The following CPLANE1 variants were observed in gnomAD, a reference collection of about 807,000 sequenced individuals.
CPLANE1 encodes the protein ciliogenesis and planar polarity effector complex subunit 1, also known as ciliogenesis and planar polarity effector 1.
CPLANE1 carries 263 observed loss-of-function variants against 362.5 expected under a neutral mutation model. That is an observed-to-expected ratio of 0.73 (90% confidence interval 0.66 to 0.80). CPLANE1 has a LOEUF of 0.80. CPLANE1 is among the 30% of genes least tolerant of loss of function. CPLANE1 has a pLI of 0.00. For missense variants in CPLANE1, 3,461 were observed against 3,793.4 expected, an observed-to-expected ratio of 0.91 and a Z score of 2.30; for synonymous variants, 1,212 against 1,302.6, an observed-to-expected ratio of 0.93 and a Z score of 1.50.
At position 37,224,330 on chromosome 5, in the gene CPLANE1, T is replaced by A; in HGVS notation, c.2504A>T (p.Glu835Val). The A allele has an allele frequency of 1.3e-6, 2 of 1,542,262 alleles. No individual in the cohort carries two copies. The highest frequency in any genetic ancestry group is 8.8e-7 in the Non-Finnish European group (1 of 1,141,812). Residue 835 changes from glutamate to valine, a missense_variant, in exon 14 of 53, where the codon GAA (glutamate) becomes GTA (valine). Glu to Val is a moderately radical substitution (Grantham distance 121). Around this residue, in one of 2 missense-constraint regions of CPLANE1, gnomAD observed 3,380 missense variants for 3,666.1 expected, o/e 0.92. Coordinates refer to ENST00000651892, the MANE Select transcript of CPLANE1 (RefSeq NM_001384732.1). ...ATATGATCCTAATAAAAAACATTCT[T>A]CCCCTAGAAAGTTTTTAACCAACAA... is the stretch of plus-strand genomic sequence containing the variant. ...QTLELKSING[E>V]ECFLLGSYEK...
At chr5:37,097,310 A>G in the CPLANE1 span, among the ~76,000 whole-genome samples, 1 of 152,170 alleles carries the variant, frequency 6.6e-6, no homozygotes, top group Non-Finnish European at 1.5e-5. Flanking sequence ...AACAATAACA[A>G]AAAACCCCGA....
chr5:37,139,614 T>C (rs1769033735), intron 44 of CPLANE1: 5 of 674,148 alleles, frequency 7.4e-6, no homozygotes, highest in Non-Finnish European at 9.6e-6. Context: ...TGCAGCGACA[T>C]GGTCATGGCA....
At chr5:37,221,616 T>G (rs1795371281) in intron 14 of CPLANE1, 128 bp from the exon 15 acceptor site, 2 of 494,596 alleles carry the variant, frequency 4.0e-6, no homozygotes. Context: ...TATGTAAACT[T>G]TTCTGCATCT....
chr5:37,119,879 T>C (rs1182557452), intron 50 of CPLANE1, among the ~76,000 whole-genome samples: 1 of 151,216 alleles, frequency 6.6e-6, no homozygotes, highest in East Asian at 1.9e-4. Context: ...CCCAGGTACT[T>C]GGGAGGCTGA....
At chr5:37,230,740 T>C (rs928664659) in intron 9 of CPLANE1, 127 bp downstream of exon 9, 1 of 551,212 alleles carries the variant, frequency 1.8e-6, no homozygotes, top group East Asian at 3.4e-5. Flanking sequence ...AAACAGATAT[T>C]GAGATGACAG....
the CPLANE1 span, among the ~76,000 whole-genome samples, chr5:37,078,106 G>C: frequency 6.6e-6 from 1 of 152,018 alleles, no homozygotes; most frequent in Non-Finnish European, 1.5e-5. Context: ...TTGTTACATA[G>C]GTAAATGTGT....
intron 51 of CPLANE1, among the ~76,000 whole-genome samples, chr5:37,111,837 A>C (rs903607320): frequency 2.8e-4 from 42 of 152,174 alleles, no homozygotes; most frequent in African/African-American, 9.7e-4. Flanking sequence ...AAAACCATAT[A>C]AAGGAAAAAA....
At chr5:37,167,321 C>T in intron 34 of CPLANE1, 108 bp from the exon 35 acceptor site, 1 of 811,806 alleles carries the variant, frequency 1.2e-6, no homozygotes, top group Non-Finnish European at 1.9e-6. Flanking sequence ...AACTGTGCAA[C>T]AGTTAGAACA....
chr5:37,210,189 G>C, intron 16 of CPLANE1: 10 of 1,421,606 alleles, frequency 7.0e-6, no homozygotes, highest in African/African-American at 1.4e-5. Context: ...AAAGCACCAA[G>C]AGATTGAAAC....
At chr5:37,111,022 T>G (rs1246014766) in intron 51 of CPLANE1, among the ~76,000 whole-genome samples, 1 of 151,798 alleles carries the variant, frequency 6.6e-6, no homozygotes, top group Non-Finnish European at 1.5e-5. Context: ...TTAGCCAGGA[T>G]GGTCTCAATC....
chr5:37,207,514 A>C (rs190730976), intron 16 of CPLANE1, among the ~76,000 whole-genome samples: 4 of 152,354 alleles, frequency 2.6e-5, no homozygotes, highest in African/African-American at 9.6e-5. Flanking sequence ...ACAGTAAAAA[A>C]GTTCACGACC....
At chr5:37,244,690 AT>A (rs1284791748) in intron 4 of CPLANE1, 83 bp from the exon 5 acceptor site, 12 of 818,846 alleles carry the variant, frequency 1.5e-5, no homozygotes, top group African/African-American at 1.2e-4. Flanking sequence ...TATTCTTACA[AT>A]AAAAAAAAAA....
the CPLANE1 span, among the ~76,000 whole-genome samples, chr5:37,086,227 C>T: frequency 6.6e-6 from 1 of 152,138 alleles, no homozygotes; most frequent in East Asian, 1.9e-4. Flanking sequence ...ACATTCCATC[C>T]AACAACCACA....
intron 38 of CPLANE1, among the ~76,000 whole-genome samples, chr5:37,159,570 C>T (rs982040033): frequency 1.3e-5 from 2 of 152,190 alleles, no homozygotes; most frequent in African/African-American, 4.8e-5. Flanking sequence ...CACAGCAGAT[C>T]AACAAACAGT....
At chr5:37,149,486 T>C (rs1300486565) in intron 42 of CPLANE1, among the ~76,000 whole-genome samples, 1 of 152,220 alleles carries the variant, frequency 6.6e-6, no homozygotes, top group Non-Finnish European at 1.5e-5. Context: ...TTTTTGTTTT[T>C]ATTAAATATT....
chr5:37,209,019 T>G lies in CPLANE1; in HGVS notation c.2921-2594A>C, dbSNP rs1791795278. Among the ~76,000 whole-genome samples the G allele has an allele frequency of 6.6e-6, 1 of 152,036 alleles. No individual in the cohort carries two copies. Among genetic ancestry groups the G allele is most frequent in the Non-Finnish European group, 1.5e-5 (1 of 68,026 alleles). ...ACGGGAAGGCTGTACTGAGCCGGTC[T>G]CGGGAGACGAAGGATGGGATGTGAG... On this transcript the variant is annotated intron_variant, in intron 16 of 52. Coordinates refer to ENST00000651892, the MANE Select transcript of CPLANE1 (RefSeq NM_001384732.1). This position sits in a 1 kb window ranked among gnomAD's most constrained non-coding sequence, Gnocchi z 4.6.
chr5:37,141,413 T>C (rs1769678446), intron 44 of CPLANE1: 1 of 985,284 alleles, frequency 1.0e-6, no homozygotes, highest in Admixed American at 6.1e-5. Context: ...ATGCTTTATA[T>C]ATGATACTCA....
chr5:37,134,246 T>C (rs1265205193), intron 46 of CPLANE1, among the ~76,000 whole-genome samples: 1 of 152,188 alleles, frequency 6.6e-6, no homozygotes, highest in African/African-American at 2.4e-5. Flanking sequence ...TGGCAGAATT[T>C]GGCTGTGAAT....
chr5:37,108,242 T>C, intron 52 of CPLANE1, 51 bp downstream of exon 52: 1 of 1,501,736 alleles, frequency 6.7e-7, no homozygotes, highest in Non-Finnish European at 9.1e-7. Context: ...ACAAAAAACC[T>C]GAAGAACATA....
Sources: gnomAD v4.1 joint callset for allele counts (sites outside exome capture counted in the v4.1 genomes callset) on GRCh38, gnomAD v4.1.1 for gene constraint, gnomAD v4.1.1 regional missense constraint, Gnocchi (gnomAD v3.1) non-coding constraint, MANE v1.5 for transcripts, NCBI Gene and HGNC (gene_info 2026-07-23, HGNC 2026-07-21) for gene names.